The following CHST11 variants were observed in gnomAD, a reference collection of about 807,000 sequenced individuals.
The protein encoded by CHST11 is carbohydrate sulfotransferase 11.
Under a neutral mutation model 30.4 loss-of-function variants are expected in CHST11, and 9 were observed. That is an observed-to-expected ratio of 0.30 (90% CI 0.18 to 0.52). The LOEUF (loss-of-function observed/expected upper bound fraction) is 0.52, where lower values mean the gene tolerates loss of function less well. CHST11 is among the 20% of genes least tolerant of loss of function. The probability of loss-of-function intolerance (pLI) is 0.97; values close to 1 mark genes in which losing one functional copy is unlikely to be tolerated. For synonymous variants in CHST11, 152 were observed against 187.8 expected, an observed-to-expected ratio of 0.81 and a Z score of 1.56; for missense variants, 348 against 460.6, an observed-to-expected ratio of 0.76 and a Z score of 2.24.
At chr12:104,684,669 TCACAAGTAGCTGGGATTACAGGCATG>T (rs1018636474) in intron 2 of CHST11, among the ~76,000 whole-genome samples, 36 of 152,324 alleles carry the variant, frequency 2.4e-4, no homozygotes, top group African/African-American at 7.9e-4. Context: ...TGCCTCAGCT[TCACAAGTAGCTGGGATTACAGGCATG>T]CACTACCATG....
chr12:104,701,787 T>C (rs1283157256), intron 2 of CHST11, among the ~76,000 whole-genome samples: 1 of 152,196 alleles, frequency 6.6e-6, no homozygotes, highest in Non-Finnish European at 1.5e-5. Flanking sequence ...CAGGCCGGTC[T>C]GTGTGTTCAA....
At chr12:104,507,185 C>T (rs553526685) in intron 1 of CHST11, among the ~76,000 whole-genome samples, 2 of 152,224 alleles carry the variant, frequency 1.3e-5, no homozygotes, top group Admixed American at 6.5e-5. Context: ...GCAGAGCTCC[C>T]GGGGAGGGCA....
intron 2 of CHST11, among the ~76,000 whole-genome samples, chr12:104,751,104 C>T (rs1279054911): frequency 3.9e-5 from 6 of 152,112 alleles, no homozygotes; most frequent in East Asian, 3.9e-4. Context: ...AGTTATTTTC[C>T]GCCTCTGCAA....
chr12:104,478,581 T>C (rs2037587704), intron 1 of CHST11, among the ~76,000 whole-genome samples: 1 of 152,148 alleles, frequency 6.6e-6, no homozygotes, highest in African/African-American at 2.4e-5. Context: ...TCCTGTTAAG[T>C]AGGATGTGGT....
chr12:104,648,486 G>C (rs2039458098), intron 2 of CHST11, among the ~76,000 whole-genome samples: 1 of 152,156 alleles, frequency 6.6e-6, no homozygotes. Flanking sequence ...AATCAACTCA[G>C]AGACTCTCAT....
At chr12:104,628,055 A>C (rs1255581020) in intron 2 of CHST11, among the ~76,000 whole-genome samples, 4 of 152,162 alleles carry the variant, frequency 2.6e-5, no homozygotes, top group African/African-American at 7.2e-5. Flanking sequence ...GCGGGAGGTA[A>C]TCCCCAGCCA....
At chr12:104,523,426 G>T (rs889433840) in intron 1 of CHST11, among the ~76,000 whole-genome samples, 1 of 152,134 alleles carries the variant, frequency 6.6e-6, no homozygotes, top group Non-Finnish European at 1.5e-5. Flanking sequence ...ATCTACCTGG[G>T]TATAACCTGG....
intron 1 of CHST11, among the ~76,000 whole-genome samples, chr12:104,531,407 C>T (rs1169003989): frequency 6.7e-6 from 1 of 149,180 alleles, no homozygotes; most frequent in African/African-American, 2.5e-5. Context: ...TCGCTTGAGC[C>T]CAGGAGGTTG....
At chr12:104,752,551 A>C (rs111931896) in intron 2 of CHST11, among the ~76,000 whole-genome samples, 6,494 of 151,928 alleles carry the variant, frequency 0.043, 195 homozygotes, top group Middle Eastern at 0.095. Context: ...TTTTTGAGAC[A>C]GAGTCTCACT....
chr12:104,620,953 A>T (rs2039153488), intron 2 of CHST11, among the ~76,000 whole-genome samples: 1 of 152,252 alleles, frequency 6.6e-6, no homozygotes, highest in South Asian at 2.1e-4. Flanking sequence ...TTGTTAAGAT[A>T]AGTCTTTGCC....
intron 1 of CHST11, among the ~76,000 whole-genome samples, chr12:104,500,776 C>T (rs1471651558): frequency 6.6e-6 from 1 of 152,150 alleles, no homozygotes; most frequent in African/African-American, 2.4e-5. Flanking sequence ...GGTGTGTCCA[C>T]AGAGCTTTAG....
At chr12:104,581,093 C>T (rs1477214364) in intron 1 of CHST11, among the ~76,000 whole-genome samples, 2 of 152,192 alleles carry the variant, frequency 1.3e-5, no homozygotes, top group Admixed American at 1.3e-4. Flanking sequence ...AACTCCTGAC[C>T]TTGGACATGC....
intron 1 of CHST11, among the ~76,000 whole-genome samples, chr12:104,464,798 T>C (rs2037443120): frequency 6.6e-6 from 1 of 152,130 alleles, no homozygotes; most frequent in Non-Finnish European, 1.5e-5. Context: ...TTAATAAAAA[T>C]ATCCAGAAAA....
intron 2 of CHST11, among the ~76,000 whole-genome samples, chr12:104,607,345 C>T (rs2039015629): frequency 1.3e-5 from 2 of 152,150 alleles, no homozygotes; most frequent in African/African-American, 4.8e-5. Context: ...TTAGCCCCAA[C>T]CTAAATAGCT....
chr12:104,622,366 A>G (rs567919511), intron 2 of CHST11, among the ~76,000 whole-genome samples: 5 of 152,268 alleles, frequency 3.3e-5, no homozygotes, highest in Admixed American at 2.0e-4. Flanking sequence ...CGGAGTAAAT[A>G]TTTGGAATTA....
rs909114238 is a variant in CHST11 at position 104,457,012 on chromosome 12, G to C, written c.-400G>C. 1.2e-4 allele frequency: 20 copies of C among 161,972 alleles called. No individual in the cohort carries two copies. The highest frequency in any genetic ancestry group is 3.0e-3 in the Middle Eastern group (1 of 336). 10.0% of individuals were successfully genotyped at this position (161,972 alleles called of 1,614,324 possible). A position where few individuals can be genotyped will look rare whatever the true frequency, so the allele number is the denominator to read the frequency against. ...AGCGCAATGAAGTAGCCTTTGGAGA[G>C]AAGGGAGAGGGCCCGTCGGACAGCC... On this transcript the variant is annotated 5_prime_UTR_variant, in exon 1 of 3. Transcript: ENST00000303694.
intron 1 of CHST11, among the ~76,000 whole-genome samples, chr12:104,481,184 C>T (rs1031316385): frequency 1.3e-5 from 2 of 152,190 alleles, no homozygotes; most frequent in African/African-American, 2.4e-5. Flanking sequence ...AAATCCTTAG[C>T]CTGACTTCAA....
At chr12:104,682,811 C>T (rs893083655) in intron 2 of CHST11, among the ~76,000 whole-genome samples, 7 of 152,324 alleles carry the variant, frequency 4.6e-5, no homozygotes, top group South Asian at 2.1e-4. Context: ...CAGCATAGCC[C>T]GGCAGAAAGC....
chr12:104,626,646 G>T (rs931218861), intron 2 of CHST11, among the ~76,000 whole-genome samples: 4 of 150,208 alleles, frequency 2.7e-5, no homozygotes, highest in Non-Finnish European at 5.9e-5. Context: ...TCCTGGGAGA[G>T]TCCTGAGGGA....
Sources: gnomAD v4.1 joint callset for allele counts (sites outside exome capture counted in the v4.1 genomes callset) on GRCh38, gnomAD v4.1.1 for gene constraint, MANE v1.5 for transcripts, NCBI Gene and HGNC (gene_info 2026-07-23, HGNC 2026-07-21) for gene names.